LUC7L3: variants seen among roughly 807,000 people sequenced by gnomAD.
The protein encoded by LUC7L3 is luc7-like protein 3.
A neutral mutation model predicts 66.8 loss-of-function variants in LUC7L3; 6 were observed. That is an observed-to-expected ratio of 0.09 (90% confidence interval 0.05 to 0.18). The LOEUF (loss-of-function observed/expected upper bound fraction) is 0.18. Among genes scored for constraint, LUC7L3 ranks in the 10% least tolerant of loss-of-function variants. LUC7L3 has a pLI of 1.00. For synonymous variants in LUC7L3, 160 were observed against 174.7 expected, an observed-to-expected ratio of 0.92 and a Z score of 0.66; for missense variants, 341 against 531.1, an observed-to-expected ratio of 0.64 and a Z score of 3.52.
In LUC7L3 at chr17:50,754,067, C is replaced by T. The variant is rs1007208224; in HGVS notation, c.*3406C>T. ...TTGTTGCTAACCAGCTCACAAGAAT[C>T]CAGTATTGAGACCAGTTCACTAGAA... On this transcript the variant is annotated 3_prime_UTR_variant, in exon 10 of 10. Coordinates refer to ENST00000505658, the MANE Select transcript of LUC7L3 (RefSeq NM_016424.5). 3.3e-5 allele frequency: 5 copies of T among 152,082 alleles called. No homozygotes were observed. The highest frequency in any genetic ancestry group is 9.7e-5 in the African/African-American group (4 of 41,396). 9.4% of individuals were successfully genotyped at this position (152,082 alleles called of 1,614,324 possible).
chr17:50,723,757 G>A (rs967490608), intron 1 of LUC7L3: 9 of 314,560 alleles, frequency 2.9e-5, no homozygotes, highest in East Asian at 2.2e-4. Flanking sequence ...TGGCCTCAGC[G>A]TCCCGAGTAA....
At chr17:50,720,043 G>C (rs1300855746) in intron 1 of LUC7L3, among the ~76,000 whole-genome samples, 2 of 152,258 alleles carry the variant, frequency 1.3e-5, no homozygotes, top group Non-Finnish European at 2.9e-5. Flanking sequence ...AAGGGGGTCC[G>C]GGAGAGCCCT....
At chr17:50,748,184 C>A (rs1441162215) in intron 9 of LUC7L3, among the ~76,000 whole-genome samples, 1 of 152,102 alleles carries the variant, frequency 6.6e-6, no homozygotes, top group African/African-American at 2.4e-5. Context: ...TACTTGAAGT[C>A]AAAGTTGAGT....
chr17:50,733,119 T>C (rs1448865225), intron 1 of LUC7L3, among the ~76,000 whole-genome samples: 1 of 152,104 alleles, frequency 6.6e-6, no homozygotes, highest in East Asian at 1.9e-4. Flanking sequence ...AGAAGTCCTA[T>C]TGAAAACAAT....
intron 2 of LUC7L3, 149 bp downstream of exon 2, chr17:50,737,175 TTGAA>T: frequency 1.6e-6 from 1 of 642,460 alleles, no homozygotes; most frequent in East Asian, 2.8e-5. Flanking sequence ...GTTTAGATAT[TTGAA>T]TGTATTAATA....
At chr17:50,720,539 C>CA (rs1397512752) in intron 1 of LUC7L3, among the ~76,000 whole-genome samples, 1 of 152,202 alleles carries the variant, frequency 6.6e-6, no homozygotes, top group East Asian at 1.9e-4. Context: ...CTTTGTAGTT[C>CA]TGTTAGCTTT....
At chr17:50,744,570 A>G in intron 6 of LUC7L3, 82 bp from the exon 7 acceptor site, 1 of 1,300,778 alleles carries the variant, frequency 7.7e-7, no homozygotes, top group South Asian at 1.4e-5. Flanking sequence ...CACATTAGAA[A>G]TCTTTTCTAA....
chr17:50,733,398 GTT>G (rs35236108), intron 1 of LUC7L3, among the ~76,000 whole-genome samples: 4 of 98,312 alleles, frequency 4.1e-5, no homozygotes, highest in Admixed American at 2.3e-4. Flanking sequence ...CGCCTGGCTA[GTT>G]TTTTTTTTTT....
intron 1 of LUC7L3, among the ~76,000 whole-genome samples, chr17:50,727,983 T>TG (rs1951866508): frequency 6.7e-6 from 1 of 149,744 alleles, no homozygotes; most frequent in African/African-American, 2.5e-5. Context: ...CGTGGTGTGG[T>TG]GGCAGGCGCC....
At chr17:50,723,819 T>C (rs1968964913) in intron 1 of LUC7L3, 2 of 345,848 alleles carry the variant, frequency 5.8e-6, no homozygotes, top group South Asian at 4.1e-5. Context: ...GTATTTTTAG[T>C]CGACAGGGTT....
In LUC7L3 at chr17:50,750,582, C is replaced by T. The variant is rs367899840; in HGVS notation, c.1220C>T (p.Ser407Leu). 31 of 1,613,906 alleles carry T rather than the reference C, an allele frequency of 1.9e-5. No homozygotes were observed. Among genetic ancestry groups the T allele is most frequent in the African/African-American group, 1.1e-4 (8 of 74,986 alleles). Residue 407 changes from serine to leucine, a missense_variant, in exon 10 of 10, where the codon TCG becomes TTG. By Grantham distance (145) the Ser-to-Leu change is moderately radical. Transcript: ENST00000505658. The stretch of plus-strand genomic sequence containing the variant: ...CAGAGTGAAGACACAAACACTGAAT[C>T]GAAGGAAAGTGATACTAAGAATGAG... ...EKQSEDTNTESKESDTKNEVN... is the reference protein window; with the variant it reads ...EKQSEDTNTELKESDTKNEVN...
At chr17:50,723,211 A>G (rs367766687) in intron 1 of LUC7L3, 2 of 152,264 alleles carry the variant, frequency 1.3e-5, no homozygotes, top group East Asian at 3.8e-4. Flanking sequence ...CAACCTGAAA[A>G]TGAAATTACT....
chr17:50,725,848 T>C (rs947256787), intron 1 of LUC7L3, among the ~76,000 whole-genome samples: 1 of 152,224 alleles, frequency 6.6e-6, no homozygotes, highest in Non-Finnish European at 1.5e-5. Context: ...TCATAAAAAG[T>C]TAAACTTTAT....
intron 1 of LUC7L3, among the ~76,000 whole-genome samples, chr17:50,730,535 A>AG (rs1333022497): frequency 6.0e-5 from 9 of 150,044 alleles, no homozygotes; most frequent in African/African-American, 2.2e-4. Context: ...AAAAAAAAAA[A>AG]AAAGACCTAA....
intron 1 of LUC7L3, among the ~76,000 whole-genome samples, chr17:50,735,433 A>G (rs1287096287): frequency 6.6e-6 from 1 of 152,076 alleles, no homozygotes; most frequent in Non-Finnish European, 1.5e-5. Context: ...TCAGGTTTAA[A>G]TTTAACACTG....
At chr17:50,744,885 C>A in intron 7 of LUC7L3, 72 bp downstream of exon 7, 1 of 1,249,822 alleles carries the variant, frequency 8.0e-7, no homozygotes, top group Non-Finnish European at 1.1e-6. Context: ...GATCTCAGCT[C>A]ACTGCCACCT....
At chr17:50,741,572 A>G in intron 4 of LUC7L3, 85 bp from the exon 5 acceptor site, 2 of 736,030 alleles carry the variant, frequency 2.7e-6, no homozygotes, top group Non-Finnish European at 4.5e-6. Context: ...ATTATTAAAT[A>G]GAAATATTAT....
intron 1 of LUC7L3, among the ~76,000 whole-genome samples, chr17:50,729,193 C>G (rs539989008): frequency 2.0e-5 from 3 of 150,030 alleles, no homozygotes; most frequent in Admixed American, 1.3e-4. Context: ...TGAATAAAAG[C>G]GAGGTAATTA....
chr17:50,747,247 TG>T (rs61130138), intron 9 of LUC7L3, among the ~76,000 whole-genome samples: 31,267 of 91,660 alleles, frequency 0.34, 4,986 homozygotes, highest in African/African-American at 0.58. Context: ...TTTTTTTTTT[TG>T]GTGTGGCATC....
Sources: allele counts gnomAD v4.1 joint callset (sites outside exome capture counted in the v4.1 genomes callset), GRCh38; gene constraint gnomAD v4.1.1; transcripts MANE v1.5; gene names NCBI Gene and HGNC (gene_info 2026-07-23, HGNC 2026-07-21).